The following ADAMTSL2 variants were observed in gnomAD, a reference collection of about 807,000 sequenced individuals.
ADAMTSL2 encodes the protein ADAMTS-like protein 2.
Under a neutral mutation model 117.0 loss-of-function variants are expected in ADAMTSL2, and 55 were observed. The ratio of observed to expected loss-of-function variants is 0.47; its 90% CI spans 0.38 to 0.59. The LOEUF is 0.59. Ranked by LOEUF, ADAMTSL2 falls within the 20% of genes least tolerant of loss-of-function variation. The pLI, the probability that ADAMTSL2 is intolerant of heterozygous loss-of-function variation, is 0.00. For missense variants in ADAMTSL2, 1,182 were observed against 1,354.5 expected (o/e 0.87, Z 2.00); for synonymous variants, 572 against 566.4 (o/e 1.01, Z -0.14).
In ADAMTSL2 at chr9:133,534,820, C is replaced by G; in HGVS notation, c.-248C>G. On this transcript the variant is annotated 5_prime_UTR_variant, in exon 1 of 19. Transcript: ENST00000651351. ...GGGAGGCCGGGCCGCAGCCTCTGCA[C>G]TCACGCCGCCCCCGCACGCACAGCG... 6.7e-7 allele frequency: 1 copy of G among 1,493,194 alleles called. No homozygotes were observed. Among genetic ancestry groups the G allele is most frequent in the Non-Finnish European group, 9.0e-7 (1 of 1,117,226 alleles). 92.5% of individuals were successfully genotyped at this position (1,493,194 alleles called of 1,614,324 possible).
intron 1 of ADAMTSL2, among the ~76,000 whole-genome samples, chr9:133,535,586 G>A (rs1830032412): frequency 6.6e-6 from 1 of 152,148 alleles, no homozygotes; most frequent in Non-Finnish European, 1.5e-5. Flanking sequence ...GCAGGGGTGA[G>A]GGGTGACCTC....
chr9:133,539,992 C>A, intron 5 of ADAMTSL2, 119 bp downstream of exon 5: 1 of 960,030 alleles, frequency 1.0e-6, no homozygotes, highest in Non-Finnish European at 1.6e-6. Flanking sequence ...GGTGGTCAGA[C>A]GAAGAGCCAG....
Position 133,562,915 on chromosome 9 carries a change from C to T in ADAMTSL2, c.1747+1620C>T, listed in dbSNP as rs7466445. ...TTGGCCAGGCTTGCACCGCTGTGGG[C>T]GGCGTGGTGGGCACCGGCTTGGCCA... On this transcript the variant is annotated intron_variant, in intron 12 of 18. Coordinates refer to ENST00000651351, the MANE Select transcript of ADAMTSL2 (RefSeq NM_014694.4). Among the ~76,000 whole-genome samples, 4 of 108,658 alleles carry T rather than the reference C, an allele frequency of 3.7e-5. No individual in the cohort carries two copies. The East Asian group carries it at 8.9e-4, about 24-fold the overall frequency. 71.3% of individuals were successfully genotyped at this position (108,658 alleles called of 152,430 possible).
At chr9:133,569,827 CT>C (rs1184014468) in intron 16 of ADAMTSL2, among the ~76,000 whole-genome samples, 1 of 152,254 alleles carries the variant, frequency 6.6e-6, no homozygotes, top group Non-Finnish European at 1.5e-5. Context: ...TGCCCCCAGC[CT>C]GGGCCCCCAA....
rs1831073930 is a variant in ADAMTSL2 at position 133,570,308 on chromosome 9, C to T, written c.2416-23C>T. On this transcript the variant is annotated intron_variant, in intron 16 of 18. Transcript: ENST00000651351. Reference sequence around the variant, plus strand: ...GTCCTGCTGGGCCCTGGCGCTGACCCGCTCCCTCTGCCCCGGCCTCAGTGC... The same window carrying T: ...GTCCTGCTGGGCCCTGGCGCTGACCTGCTCCCTCTGCCCCGGCCTCAGTGC... 21 of 1,538,504 alleles carry T rather than the reference C, an allele frequency of 1.4e-5. No individual in the cohort carries two copies. The East Asian group carries it at 3.7e-4, about 27-fold the overall frequency.
chr9:133,542,426 G>A (rs919374095), intron 7 of ADAMTSL2, among the ~76,000 whole-genome samples: 11 of 152,144 alleles, frequency 7.2e-5, no homozygotes, highest in Admixed American at 6.5e-4. Flanking sequence ...AGGGAGAGTG[G>A]GCATTGGGGC....
At chr9:133,567,534 A>G (rs1041513057) in intron 13 of ADAMTSL2, among the ~76,000 whole-genome samples, 10 of 152,138 alleles carry the variant, frequency 6.6e-5, no homozygotes, top group African/African-American at 1.4e-4. Flanking sequence ...ACCTAGTGAC[A>G]AGTGGGGTCC....
chr9:133,543,556 C>G (rs534630051), intron 7 of ADAMTSL2, among the ~76,000 whole-genome samples: 23 of 152,316 alleles, frequency 1.5e-4, no homozygotes, highest in African/African-American at 4.8e-4. Flanking sequence ...CTGTGAGGGA[C>G]AGGTCAGGAT....
intron 17 of ADAMTSL2, 26 bp downstream of exon 17, chr9:133,570,533 G>C: frequency 1.2e-6 from 2 of 1,600,298 alleles, no homozygotes; most frequent in Non-Finnish European, 1.7e-6. Context: ...GCCCCTCTGA[G>C]GTTGCCTGAG....
chr9:133,547,260 T>C lies in ADAMTSL2; in HGVS notation c.939+47T>C, dbSNP rs2073879. 0.88 allele frequency: 1,388,665 copies of C among 1,576,490 alleles called. 619,138 individuals are homozygous for C. The highest frequency in any genetic ancestry group is 0.92 in the Non-Finnish European group (1,066,339 of 1,156,144). On this transcript the variant is annotated intron_variant, in intron 9 of 18. Coordinates refer to ENST00000651351, the MANE Select transcript of ADAMTSL2 (RefSeq NM_014694.4). Reference sequence around the variant, plus strand: ...GGGGCCCCAGGGGCCCTGGGCACTGTTTCCCCAGAATCCAGCCACAGGTGA... The same window carrying C: ...GGGGCCCCAGGGGCCCTGGGCACTGCTTCCCCAGAATCCAGCCACAGGTGA...
Position 133,568,337 on chromosome 9 carries a change from G to T in ADAMTSL2, c.1939G>T (p.Val647Leu). 1 of 1,587,804 alleles carries T rather than the reference G, an allele frequency of 6.3e-7. No individual in the cohort carries two copies. The highest frequency in any genetic ancestry group is 8.6e-7 in the Non-Finnish European group (1 of 1,167,930). The change falls in exon 14 of 19, where the codon GTG (valine) becomes TTG (leucine). Residue 647 changes from valine (V) to leucine (L), a missense_variant. Val to Leu is a conservative substitution (Grantham distance 32). Transcript: ENST00000651351. The part of the protein sequence containing the change: ...TCGEGYQFRV[V>L]RCWKMLSPGF... ...CGGAGAGGGCTACCAGTTCCGCGTC[G>T]TGCGCTGCTGGAAGATGCTCTCGCC...
chr9:133,537,658 G>A (rs933459793), intron 3 of ADAMTSL2, 111 bp downstream of exon 3: 9 of 1,195,538 alleles, frequency 7.5e-6, no homozygotes, highest in Admixed American at 4.0e-5. Flanking sequence ...GAGGGCTCTC[G>A]GGTTGGGGGC....
At chr9:133,547,299 G>T in intron 9 of ADAMTSL2, 86 bp downstream of exon 9, 1 of 1,400,592 alleles carries the variant, frequency 7.1e-7, no homozygotes, top group Non-Finnish European at 9.8e-7. Context: ...CTTCCAGCCC[G>T]TGACGCCCCC....
intron 12 of ADAMTSL2, among the ~76,000 whole-genome samples, chr9:133,563,969 GGGA>G (rs1830830774): frequency 4.3e-5 from 1 of 23,244 alleles, no homozygotes; most frequent in African/African-American, 3.1e-4. Flanking sequence ...GAGAGAGAGA[GGGA>G]GAGAGAGAGA....
intron 12 of ADAMTSL2, among the ~76,000 whole-genome samples, chr9:133,564,448 G>C (rs1261260662): frequency 9.4e-5 from 6 of 64,146 alleles, no homozygotes; most frequent in African/African-American, 3.3e-4. Context: ...GAGAGAGGGA[G>C]AGAGAGGGAG....
rs751779809 is a variant in ADAMTSL2 at position 133,554,400 on chromosome 9, A to G, written c.983A>G (p.Tyr328Cys). 6.4e-7 allele frequency: 1 copy of G among 1,562,742 alleles called. No individual in the cohort carries two copies. The highest frequency in any genetic ancestry group is 1.2e-5 in the South Asian group (1 of 85,718). Residue 328 changes from tyrosine (Y) to cysteine (C), a missense_variant, in exon 10 of 19, where the codon TAC becomes TGC. Tyr to Cys is a radical substitution (Grantham distance 194). This residue lies in a region of ADAMTSL2 where 372 missense variants were observed against 463.4 expected (regional missense o/e 0.80). Coordinates refer to ENST00000651351, the MANE Select transcript of ADAMTSL2 (RefSeq NM_014694.4). This position sits in a 1 kb window ranked among gnomAD's most constrained non-coding sequence, Gnocchi z 5.2. ...NGKSPSITFE[Y>C]TLLQPPHESR... ...AAAAGCCCCTCCATCACCTTCGAGT[A>G]CACGCTGCTGCAGCCGCCACACGAG...
intron 11 of ADAMTSL2, among the ~76,000 whole-genome samples, chr9:133,560,889 G>C (rs1830711399): frequency 6.6e-6 from 1 of 152,238 alleles, no homozygotes; most frequent in Admixed American, 6.5e-5. Context: ...AGCAACTACA[G>C]TGCTGGGGGC....
Position 133,544,519 on chromosome 9 carries a change from T to C in ADAMTSL2, c.732T>C (p.Ile244=). ...CGGCTGGTGCCCGAGACATCCAGAT[T>C]GTAGAGAGGAAGAAGTCCGCTGACG... The part of the protein sequence containing the change: ...HIPAGARDIQ[I]VERKKSADVL... Residue 244 remains isoleucine (I), a synonymous_variant, in exon 8 of 19, where the codon ATT becomes ATC. Coordinates refer to ENST00000651351, the MANE Select transcript of ADAMTSL2 (RefSeq NM_014694.4). 1 of 1,614,062 alleles carries C rather than the reference T, an allele frequency of 6.2e-7. No individual in the cohort carries two copies. Among genetic ancestry groups the C allele is most frequent in the Non-Finnish European group, 8.5e-7 (1 of 1,179,980 alleles).
At chr9:133,564,707 GGAGAGAGAGAGAGGGTGA>G (rs1314726613) in intron 12 of ADAMTSL2, among the ~76,000 whole-genome samples, 8 of 116,062 alleles carry the variant, frequency 6.9e-5, no homozygotes, top group African/African-American at 2.6e-4. Context: ...AGAGAGAGAA[GGAGAGAGAGAGAGGGTGA>G]GAGAGAGAGA....
Sources: allele counts gnomAD v4.1 joint callset (sites outside exome capture counted in the v4.1 genomes callset), GRCh38; gene constraint gnomAD v4.1.1; regional missense constraint gnomAD v4.1.1; non-coding constraint Gnocchi (gnomAD v3.1); transcripts MANE v1.5; gene names NCBI Gene and HGNC (gene_info 2026-07-23, HGNC 2026-07-21).